Variants in SERPINI1 observed in about 807,000 individuals in gnomAD.
The protein encoded by SERPINI1 is serpin family I member 1, also known as neuroserpin.
In SERPINI1, 19 loss-of-function variants were observed where a neutral mutation model predicts 41.1. The observed-to-expected ratio is 0.46, with a 90% CI of 0.32 to 0.68. The LOEUF (loss-of-function observed/expected upper bound fraction) is 0.68, where lower values mean the gene tolerates loss of function less well. Among genes scored for constraint, SERPINI1 ranks in the 30% least tolerant of loss-of-function variants. The pLI, the probability that SERPINI1 is intolerant of heterozygous loss-of-function variation, is 0.03. For synonymous variants in SERPINI1, 138 were observed against 156.6 expected, an observed-to-expected ratio of 0.88 and a Z score of 0.89; for missense variants, 460 against 479.2, an observed-to-expected ratio of 0.96 and a Z score of 0.37.
chr3:167,807,405 T>G (rs1711686719), intron 6 of SERPINI1, 64 bp downstream of exon 6: 1 of 1,051,112 alleles, frequency 9.5e-7, no homozygotes, highest in African/African-American at 1.6e-5. Flanking sequence ...ATGATGATAT[T>G]AAATCCTCTA....
rs1307245258 is a variant in SERPINI1, at chr3:167,772,909, C to T, written c.-18-16202C>T. ...ATATATATATACACACACACACACACACACACACACACATGCATATATACA... is the reference window on the plus strand; with the variant it reads ...ATATATATATACACACACACACACATACACACACACACATGCATATATACA... On this transcript the variant is annotated intron_variant, in intron 1 of 8. Coordinates refer to ENST00000446050, the MANE Select transcript of SERPINI1 (RefSeq NM_001122752.2). Among the ~76,000 whole-genome samples the T allele has an allele frequency of 8.8e-3, 812 of 92,326 alleles. 30 individuals carry two copies. Among genetic ancestry groups the T allele is most frequent in the African/African-American group, 0.034 (639 of 18,914 alleles). 60.6% of individuals were successfully genotyped at this position (92,326 alleles called of 152,430 possible).
At chr3:167,763,914 T>C (rs1341272436) in intron 1 of SERPINI1, among the ~76,000 whole-genome samples, 1 of 152,152 alleles carries the variant, frequency 6.6e-6, no homozygotes, top group African/African-American at 2.4e-5. Flanking sequence ...CTGAATAAAT[T>C]ATATTCTCCC....
intron 2 of SERPINI1, among the ~76,000 whole-genome samples, chr3:167,789,774 C>A (rs148205207): frequency 2.2e-4 from 33 of 152,190 alleles, no homozygotes; most frequent in African/African-American, 6.7e-4. Flanking sequence ...TGCTTAAAAT[C>A]AGCAGTATCC....
chr3:167,782,953 T>C (rs1727186637), intron 1 of SERPINI1, among the ~76,000 whole-genome samples: 1 of 152,200 alleles, frequency 6.6e-6, no homozygotes, highest in Non-Finnish European at 1.5e-5. Context: ...AAGTAGAAAG[T>C]TGTGCTGCGT....
intron 6 of SERPINI1, among the ~76,000 whole-genome samples, chr3:167,820,536 G>A (rs1712280102): frequency 6.6e-6 from 1 of 152,244 alleles, no homozygotes; most frequent in African/African-American, 2.4e-5. Context: ...GCTGTCATGA[G>A]CTGGCCGGGT....
chr3:167,747,104 G>A lies in SERPINI1; in HGVS notation c.-19+11281G>A, dbSNP rs146544048. Among the ~76,000 whole-genome samples the A allele has an allele frequency of 1.9e-3, 291 of 152,304 alleles. 3 individuals are homozygous for A. Among genetic ancestry groups the A allele is most frequent in the African/African-American group, 6.3e-3 (260 of 41,550 alleles). On this transcript the variant is annotated intron_variant, in intron 1 of 8. Transcript: ENST00000446050. ...ATTATTTGACGATTAAAAGGAATGA[G>A]GTACTGATACTACAGCATGGATGGC...
At chr3:167,824,962 G>T (rs1712464620) in intron 8 of SERPINI1, among the ~76,000 whole-genome samples, 1 of 152,008 alleles carries the variant, frequency 6.6e-6, no homozygotes, top group Admixed American at 6.6e-5. Flanking sequence ...TGGAAGGAAT[G>T]CTTGAGCTCA....
At chr3:167,770,154 G>C (rs551156909) in intron 1 of SERPINI1, among the ~76,000 whole-genome samples, 2 of 150,972 alleles carry the variant, frequency 1.3e-5, no homozygotes, top group Non-Finnish European at 3.0e-5. Flanking sequence ...ATATGGAAAA[G>C]ATATGTACAA....
intron 6 of SERPINI1, among the ~76,000 whole-genome samples, chr3:167,809,140 A>G (rs1401119491): frequency 2.0e-5 from 3 of 152,136 alleles, no homozygotes; most frequent in Non-Finnish European, 2.9e-5. Flanking sequence ...GAACTCTTCA[A>G]TGGGGTTATC....
Position 167,798,010 on chromosome 3 carries a change from C to G in SERPINI1, c.881+3186C>G, listed in dbSNP as rs116217620. ...AGTGTTAATGCTTCTCTTATTAAATCCATGAATTAAGTGCAGTGCTTCCAA... is the reference window on the plus strand; with the variant it reads ...AGTGTTAATGCTTCTCTTATTAAATGCATGAATTAAGTGCAGTGCTTCCAA... On this transcript the variant is annotated intron_variant, in intron 5 of 8. Transcript: ENST00000446050. Among the ~76,000 whole-genome samples the G allele has an allele frequency of 6.4e-3, 974 of 152,018 alleles. 14 individuals are homozygous for G. Among genetic ancestry groups the G allele is most frequent in the African/African-American group, 0.022 (914 of 41,480 alleles).
chr3:167,808,781 C>G (rs1325210368), intron 6 of SERPINI1, among the ~76,000 whole-genome samples: 1 of 152,092 alleles, frequency 6.6e-6, no homozygotes, highest in African/African-American at 2.4e-5. Flanking sequence ...TATGTGCACA[C>G]AATGCATCTG....
At chr3:167,818,018 G>GTTGTTTGT (rs10632766) in intron 6 of SERPINI1, among the ~76,000 whole-genome samples, 16 of 151,544 alleles carry the variant, frequency 1.1e-4, no homozygotes, top group South Asian at 2.1e-4. Context: ...AAATATTTTG[G>GTTGTTTGT]TTGTTTGTTT....
chr3:167,790,364 T>C lies in SERPINI1; in HGVS notation c.251-8T>C, dbSNP rs766009308. ...CTACAAATAAACTTATCCTTTCTCA[T>C]CTTTCAGGTGAAGAATTTTCTTTCT... On this transcript the variant is annotated splice_region_variant and splice_polypyrimidine_tract_variant and intron_variant, in intron 2 of 8. Transcript: ENST00000446050. 6 of 1,573,932 alleles carry C rather than the reference T, an allele frequency of 3.8e-6. No individual in the cohort carries two copies. The highest frequency in any genetic ancestry group is 4.4e-6 in the Non-Finnish European group (5 of 1,143,612).
intron 6 of SERPINI1, among the ~76,000 whole-genome samples, chr3:167,819,045 A>G (rs1020530922): frequency 7.2e-5 from 11 of 152,228 alleles, no homozygotes; most frequent in Admixed American, 6.5e-4. Flanking sequence ...TAACTCACAG[A>G]CTGATGAAAA....
intron 6 of SERPINI1, among the ~76,000 whole-genome samples, chr3:167,809,813 C>T (rs1285012542): frequency 6.6e-6 from 1 of 152,040 alleles, no homozygotes; most frequent in African/African-American, 2.4e-5. Context: ...GTTTATTTGG[C>T]CCCACATTAC....
rs143822508 is a variant in SERPINI1 at position 167,780,557 on chromosome 3, C to G, written c.-18-8554C>G. ...CCAACAGACAGTCCTTTTGAATAAC[C>G]CAAGGCCAAAAGATTTATTAACTTG... On this transcript the variant is annotated intron_variant, in intron 1 of 8. Coordinates refer to ENST00000446050, the MANE Select transcript of SERPINI1 (RefSeq NM_001122752.2). 7.0e-3 allele frequency among the ~76,000 whole-genome samples: 1,065 copies of G among 152,196 alleles called. 12 individuals are homozygous for G. The highest frequency in any genetic ancestry group is 0.024 in the African/African-American group (1,001 of 41,522).
At chr3:167,762,898 C>G (rs768734357) in intron 1 of SERPINI1, among the ~76,000 whole-genome samples, 12 of 151,904 alleles carry the variant, frequency 7.9e-5, no homozygotes, top group Non-Finnish European at 1.8e-4. Flanking sequence ...GCCTCCTTTA[C>G]GAACAAATTG....
intron 3 of SERPINI1, among the ~76,000 whole-genome samples, chr3:167,791,020 C>A (rs915591078): frequency 2.0e-5 from 3 of 151,780 alleles, no homozygotes; most frequent in Non-Finnish European, 4.4e-5. Context: ...GCTTTTGAAC[C>A]AAAGAACTTC....
At chr3:167,743,662 A>G (rs1270906208) in intron 1 of SERPINI1, among the ~76,000 whole-genome samples, 1 of 152,138 alleles carries the variant, frequency 6.6e-6, no homozygotes, top group East Asian at 1.9e-4. Context: ...TGGATTCTAT[A>G]GGGGAATATA....
Sources: gnomAD v4.1 joint callset for allele counts (sites outside exome capture counted in the v4.1 genomes callset) on GRCh38, gnomAD v4.1.1 for gene constraint, MANE v1.5 for transcripts, NCBI Gene and HGNC (gene_info 2026-07-23, HGNC 2026-07-21) for gene names.